Variants in USH1C observed in about 807,000 individuals in gnomAD.
USH1C encodes harmonin.
Under a neutral mutation model 119.3 loss-of-function variants are expected in USH1C, and 90 were observed. That is an observed-to-expected ratio of 0.75 (90% confidence interval 0.64 to 0.90). The LOEUF (loss-of-function observed/expected upper bound fraction) is 0.90, where lower values mean the gene tolerates loss of function less well. Ranked by LOEUF, USH1C falls within the 40% of genes least tolerant of loss-of-function variation. The pLI is 0.00. For synonymous variants in USH1C, 465 were observed against 443.3 expected (o/e 1.05, Z -0.62); for missense variants, 1,165 against 1,167.7 (o/e 1.00, Z 0.03).
chr11:17,525,025 C>A (rs1850598293), intron 8 of USH1C, among the ~76,000 whole-genome samples: 2 of 152,060 alleles, frequency 1.3e-5, no homozygotes, highest in African/African-American at 2.4e-5. Context: ...TTATTCTATC[C>A]CAAGACTAAA....
At chr11:17,497,587 C>T (rs1849290151) in intron 24 of USH1C, among the ~76,000 whole-genome samples, 1 of 152,252 alleles carries the variant, frequency 6.6e-6, no homozygotes, top group Admixed American at 6.5e-5. Context: ...TTCCTCGGCA[C>T]TGAACTTAAT....
chr11:17,509,221 G>T, intron 18 of USH1C, 135 bp downstream of exon 18: 2 of 1,245,022 alleles, frequency 1.6e-6, no homozygotes, highest in South Asian at 1.7e-5. Context: ...GCACACGGAG[G>T]GGGCATTCCT....
At chr11:17,504,863 C>T (rs962763937) in intron 19 of USH1C, among the ~76,000 whole-genome samples, 166 bp from the exon 20 acceptor site, 5 of 152,210 alleles carry the variant, frequency 3.3e-5, no homozygotes, top group African/African-American at 7.2e-5. Context: ...AAAGATGCTA[C>T]CCAGTTGTTG....
intron 11 of USH1C, 64 bp from the exon 12 acceptor site, chr11:17,522,990 C>G: frequency 6.3e-7 from 1 of 1,597,176 alleles, no homozygotes; most frequent in Non-Finnish European, 8.5e-7. Flanking sequence ...CTGACACACC[C>G]CTGGGGGCCG....
intron 4 of USH1C, among the ~76,000 whole-genome samples, chr11:17,527,846 A>AAC (rs1047918959): frequency 6.6e-6 from 1 of 151,968 alleles, no homozygotes; most frequent in Non-Finnish European, 1.5e-5. Flanking sequence ...TCACATCACC[A>AAC]ACACACACAC....
intron 24 of USH1C, 103 bp from the exon 25 acceptor site, chr11:17,496,916 A>C: frequency 7.2e-7 from 1 of 1,390,182 alleles, no homozygotes; most frequent in Admixed American, 1.8e-5. Flanking sequence ...AGGATCAGCC[A>C]GGCTGCACCT....
chr11:17,502,045 T>G (rs558777534), intron 20 of USH1C, 65 bp from the exon 21 acceptor site: 2 of 1,537,850 alleles, frequency 1.3e-6, no homozygotes, highest in Non-Finnish European at 1.8e-6. Context: ...AGCCGAGGAG[T>G]AGGGGGATGA....
In USH1C at chr11:17,509,493, G is replaced by A. The variant is rs751665437; in HGVS notation, c.1876C>T (p.Leu626=). The A allele has an allele frequency of 6.2e-7, 1 of 1,612,474 alleles. No homozygotes were observed. The highest frequency in any genetic ancestry group is 2.2e-5 in the East Asian group (1 of 44,782). Residue 626 remains leucine (L), a synonymous_variant, in exon 18 of 27, where the codon CTG becomes TTG. Transcript: ENST00000005226. ...GGATGGTTGCTCAGTGCTTCTTCCA[G>A]CGCCGAGGGCAGTGGGCGGGTGGGA... is the stretch of plus-strand genomic sequence containing the variant. ...LTPTRPLPSA[L]EEALSNHPFR...
At chr11:17,512,589 G>T (rs1054969988) in intron 15 of USH1C, among the ~76,000 whole-genome samples, 1 of 152,208 alleles carries the variant, frequency 6.6e-6, no homozygotes, top group Non-Finnish European at 1.5e-5. Flanking sequence ...ATCTGGGAGG[G>T]CTGGCAAGCT....
intron 14 of USH1C, among the ~76,000 whole-genome samples, chr11:17,516,988 G>C (rs755088890): frequency 1.3e-5 from 2 of 152,278 alleles, no homozygotes; most frequent in South Asian, 4.2e-4. Context: ...GGGGCCAAGA[G>C]CGATGGCTGA....
intron 19 of USH1C, among the ~76,000 whole-genome samples, 188 bp downstream of exon 19, chr11:17,505,642 C>G (rs1849619787): frequency 6.6e-6 from 1 of 152,256 alleles, no homozygotes; most frequent in Non-Finnish European, 1.5e-5. Context: ...AGAAATTCCA[C>G]TGGTCATGTC....
intron 17 of USH1C, among the ~76,000 whole-genome samples, chr11:17,510,141 A>G (rs531835803): frequency 1.3e-5 from 2 of 152,302 alleles, no homozygotes; most frequent in East Asian, 1.9e-4. Flanking sequence ...GGGGACTCTT[A>G]GTCATGATGC....
rs140313023 is a variant in USH1C at position 17,501,143 on chromosome 11, G to A, written c.2288C>T (p.Ser763Phe). The A allele has an allele frequency of 1.4e-5, 22 of 1,613,444 alleles. No homozygotes were observed. Among genetic ancestry groups the A allele is most frequent in the Non-Finnish European group, 1.7e-5 (20 of 1,179,750 alleles). ...ACCGCCTTCCAGGGCCAGGTCTAAG[G>A]ATCCCTCCTGGTTAGAGGAAAACAG... ...VRLLRIKKEG[S>F]LDLALEGGVD... The change falls in exon 23 of 27, where the codon TCC becomes TTC. Residue 763 changes from serine to phenylalanine, a missense_variant. Physicochemically the swap from Ser to Phe is radical, Grantham distance 155. Transcript: ENST00000005226.
At chr11:17,536,264 A>G (rs112139323) in intron 1 of USH1C, among the ~76,000 whole-genome samples, 3,667 of 152,326 alleles carry the variant, frequency 0.024, 144 homozygotes, top group African/African-American at 0.084. Context: ...GATGGGACAG[A>G]GAATCTCTTA....
At chr11:17,538,068 C>T (rs112716622) in intron 1 of USH1C, among the ~76,000 whole-genome samples, 57 of 152,310 alleles carry the variant, frequency 3.7e-4, no homozygotes, top group Non-Finnish European at 1.0e-4. Flanking sequence ...CTTCTTTCTC[C>T]GACTAGATTT....
At chr11:17,535,063 A>AGGG in intron 1 of USH1C, among the ~76,000 whole-genome samples, 1 of 152,098 alleles carries the variant, frequency 6.6e-6, no homozygotes, top group Non-Finnish European at 1.5e-5. Context: ...TGCCTCCCTG[A>AGGG]GACAGGCCTG....
At chr11:17,510,577 T>C (rs553824976) in intron 16 of USH1C, 56 bp from the exon 17 acceptor site, 4 of 1,299,044 alleles carry the variant, frequency 3.1e-6, no homozygotes, top group Admixed American at 1.7e-5. Context: ...TTGAATAACA[T>C]GTGGATAGAA....
chr11:17,496,609 G>C, intron 25 of USH1C, 149 bp downstream of exon 25: 1 of 999,788 alleles, frequency 1.0e-6, no homozygotes, highest in East Asian at 2.6e-5. Context: ...CTCTAGTCCA[G>C]GAGTTTTCTA....
rs1850663858 is a variant in USH1C at position 17,526,251 on chromosome 11, G to A, written c.674+96C>T. Reference sequence around the variant, plus strand: ...GGACAGTCACACCCCTGGTGGGCAAGGTTTCCTCGGAAGTGGCAGTGAGGA... The same window carrying A: ...GGACAGTCACACCCCTGGTGGGCAAAGTTTCCTCGGAAGTGGCAGTGAGGA... On this transcript the variant is annotated intron_variant, in intron 8 of 26. Coordinates refer to ENST00000005226, the MANE Select transcript of USH1C (RefSeq NM_153676.4). The A allele has an allele frequency of 2.9e-6, 3 of 1,044,420 alleles. No homozygotes were observed. The Admixed American group carries it at 5.6e-5, about 19-fold the overall frequency. 64.7% of individuals were successfully genotyped at this position (1,044,420 alleles called of 1,614,324 possible). A position where few individuals can be genotyped will look rare whatever the true frequency, so the allele number is the denominator to read the frequency against.
Sources: allele counts gnomAD v4.1 joint callset (sites outside exome capture counted in the v4.1 genomes callset), GRCh38; gene constraint gnomAD v4.1.1; transcripts MANE v1.5; gene names NCBI Gene and HGNC (gene_info 2026-07-23, HGNC 2026-07-21).